The following ALK variants were observed in gnomAD, a reference collection of about 807,000 sequenced individuals.
ALK encodes ALK tyrosine kinase receptor.
A neutral mutation model predicts 163.1 loss-of-function variants in ALK; 74 were observed. The ratio of observed to expected loss-of-function variants is 0.45; its 90% CI spans 0.38 to 0.55. The LOEUF (loss-of-function observed/expected upper bound fraction) is 0.55, where lower values mean the gene tolerates loss of function less well. ALK is among the 20% of genes least tolerant of loss of function. The probability of loss-of-function intolerance (pLI) is 0.00; values close to 1 mark genes in which losing one functional copy is unlikely to be tolerated. For missense variants in ALK, 2,063 were observed against 2,105.3 expected (o/e 0.98, Z 0.39); for synonymous variants, 960 against 843.2 (o/e 1.14, Z -2.40).
At chr2:29,285,317 G>A (rs1350106410) in intron 9 of ALK, among the ~76,000 whole-genome samples, 1 of 152,152 alleles carries the variant, frequency 6.6e-6, no homozygotes, top group Non-Finnish European at 1.5e-5. Flanking sequence ...GTGCAGTGGT[G>A]TGATCTTGGC....
chr2:29,732,835 C>T (rs778206716), intron 1 of ALK, among the ~76,000 whole-genome samples: 3 of 152,006 alleles, frequency 2.0e-5, no homozygotes, highest in Non-Finnish European at 4.4e-5. Flanking sequence ...CTTGATCTTG[C>T]ACTTCCCAAT....
chr2:29,691,431 G>A (rs1032709124), intron 3 of ALK, among the ~76,000 whole-genome samples: 4 of 152,170 alleles, frequency 2.6e-5, no homozygotes, highest in African/African-American at 9.7e-5. Flanking sequence ...TTTTGCTATG[G>A]TTGTTCACAC....
At chr2:29,258,767 T>C (rs1665013758) in intron 11 of ALK, among the ~76,000 whole-genome samples, 1 of 152,252 alleles carries the variant, frequency 6.6e-6, no homozygotes. Context: ...CTTTGCTATA[T>C]GATATGACAA....
intron 5 of ALK, among the ~76,000 whole-genome samples, chr2:29,353,042 C>A (rs1485388829): frequency 6.6e-6 from 1 of 152,262 alleles, no homozygotes; most frequent in African/African-American, 2.4e-5. Flanking sequence ...GTAGGACTAA[C>A]AGACTAGCTA....
intron 1 of ALK, chr2:29,890,281 T>A (rs184517674): frequency 6.6e-6 from 1 of 150,960 alleles, no homozygotes. Context: ...GTATTAGTAC[T>A]GTTTCAGAAT....
intron 3 of ALK, among the ~76,000 whole-genome samples, chr2:29,637,135 A>C (rs1676557518): frequency 6.6e-6 from 1 of 152,232 alleles, no homozygotes; most frequent in Non-Finnish European, 1.5e-5. Context: ...ATCTGTACAC[A>C]AATATTTAGA....
intron 3 of ALK, among the ~76,000 whole-genome samples, chr2:29,538,846 A>T (rs1451106834): frequency 6.6e-6 from 1 of 152,164 alleles, no homozygotes; most frequent in African/African-American, 2.4e-5. Context: ...ACAATAAGAA[A>T]AATAACAATA....
rs115433853 is a variant in ALK, at chr2:29,755,352, C to T, written c.668-37655G>A. Among the ~76,000 whole-genome samples, 151 of 152,356 alleles carry T rather than the reference C, an allele frequency of 9.9e-4. 1 individual carries two copies. Among genetic ancestry groups the T allele is most frequent in the African/African-American group, 3.5e-3 (147 of 41,586 alleles). ...AGCTCTAGAGTGTCAAACATCCACA[C>T]ATCCTTGGCTCTGGGCTGAGGAAAA... On this transcript the variant is annotated intron_variant, in intron 1 of 28. Coordinates refer to ENST00000389048, the MANE Select transcript of ALK (RefSeq NM_004304.5).
chr2:29,285,511 G>A (rs1440553767), intron 9 of ALK, among the ~76,000 whole-genome samples: 1 of 151,732 alleles, frequency 6.6e-6, no homozygotes, highest in Non-Finnish European at 1.5e-5. Context: ...TGCCCACTTT[G>A]GCCTCCCAAA....
At chr2:29,736,551 T>G (rs4494695) in intron 1 of ALK, among the ~76,000 whole-genome samples, 19,565 of 151,992 alleles carry the variant, frequency 0.13, 3,020 homozygotes, top group African/African-American at 0.37. Context: ...ATGCTTAGAA[T>G]TATTTATTAA....
At chr2:29,796,780 G>T (rs916858264) in intron 1 of ALK, among the ~76,000 whole-genome samples, 1 of 152,060 alleles carries the variant, frequency 6.6e-6, no homozygotes, top group Admixed American at 6.5e-5. Flanking sequence ...GCTCCGGTGT[G>T]GGGTGGGGCA....
At chr2:29,516,277 G>T (rs1419516319) in intron 4 of ALK, among the ~76,000 whole-genome samples, 1 of 152,156 alleles carries the variant, frequency 6.6e-6, no homozygotes, top group Non-Finnish European at 1.5e-5. Flanking sequence ...ACTGCCTTTA[G>T]TCCCCCACAC....
At chr2:29,552,148 C>T (rs1673730829) in intron 3 of ALK, among the ~76,000 whole-genome samples, 1 of 152,148 alleles carries the variant, frequency 6.6e-6, no homozygotes, top group Non-Finnish European at 1.5e-5. Flanking sequence ...TTTCATTTAA[C>T]ACAATGTTTT....
intron 4 of ALK, among the ~76,000 whole-genome samples, chr2:29,515,354 G>A (rs1164904779): frequency 6.6e-6 from 1 of 152,150 alleles, no homozygotes; most frequent in East Asian, 1.9e-4. Flanking sequence ...TAGCATGTGA[G>A]CTTCCTGAGG....
At chr2:29,362,459 G>A (rs529303272) in intron 5 of ALK, among the ~76,000 whole-genome samples, 1 of 152,324 alleles carries the variant, frequency 6.6e-6, no homozygotes, top group African/African-American at 2.4e-5. Context: ...GTGACAAGGT[G>A]TGGAAAGACC....
chr2:29,548,263 G>C (rs1415448315), intron 3 of ALK, among the ~76,000 whole-genome samples: 1 of 152,148 alleles, frequency 6.6e-6, no homozygotes, highest in East Asian at 1.9e-4. Flanking sequence ...CACGAGGTCA[G>C]GAGACTGGGA....
At chr2:29,894,467 G>A (rs540886249) in intron 1 of ALK, among the ~76,000 whole-genome samples, 3 of 152,186 alleles carry the variant, frequency 2.0e-5, no homozygotes, top group East Asian at 1.9e-4. Context: ...TGGAGGTTAA[G>A]CCTGACTTTT....
intron 4 of ALK, among the ~76,000 whole-genome samples, chr2:29,390,574 AAG>A (rs1669142288): frequency 1.3e-5 from 1 of 74,640 alleles, no homozygotes; most frequent in Non-Finnish European, 2.8e-5. Context: ...TACAGAAAGA[AAG>A]AGAAAAAAAA....
chr2:29,251,842 A>G (rs1033198156), intron 11 of ALK, among the ~76,000 whole-genome samples: 1 of 152,218 alleles, frequency 6.6e-6, no homozygotes, highest in African/African-American at 2.4e-5. Flanking sequence ...ACATTGGCTC[A>G]GGGACCCAGG....
Sources: gnomAD v4.1 joint callset for allele counts (sites outside exome capture counted in the v4.1 genomes callset) on GRCh38, gnomAD v4.1.1 for gene constraint, MANE v1.5 for transcripts, NCBI Gene and HGNC (gene_info 2026-07-23, HGNC 2026-07-21) for gene names.